Variants in KCNAB1 observed in about 807,000 individuals in gnomAD.
The protein encoded by KCNAB1 is voltage-gated potassium channel subunit beta-1.
KCNAB1 carries 35 observed loss-of-function variants against 64.6 expected under a neutral mutation model. The ratio of observed to expected loss-of-function variants is 0.54; its 90% confidence interval spans 0.41 to 0.72. KCNAB1 has a LOEUF of 0.72. Ranked by LOEUF, KCNAB1 falls within the 30% of genes least tolerant of loss-of-function variation. The pLI is 0.00. For synonymous variants in KCNAB1, 177 were observed against 183.8 expected (o/e 0.96, Z 0.30); for missense variants, 401 against 512.9 (o/e 0.78, Z 2.11).
intron 5 of KCNAB1, 77 bp downstream of exon 5, chr3:156,459,948 A>C: frequency 2.0e-6 from 2 of 989,998 alleles, no homozygotes; most frequent in East Asian, 4.9e-5. Context: ...AAATTATATG[A>C]CACCTGACCA....
intron 11 of KCNAB1, among the ~76,000 whole-genome samples, chr3:156,517,375 T>G (rs982703384): frequency 1.1e-4 from 16 of 152,246 alleles, no homozygotes; most frequent in African/African-American, 3.6e-4. Context: ...TAATACAACA[T>G]GAATACGTCC....
intron 1 of KCNAB1, among the ~76,000 whole-genome samples, chr3:156,157,750 G>A (rs1394077927): frequency 1.3e-5 from 2 of 151,956 alleles, no homozygotes; most frequent in African/African-American, 4.8e-5. Flanking sequence ...AACCAAAATG[G>A]ATACCATTAA....
intron 1 of KCNAB1, among the ~76,000 whole-genome samples, chr3:156,284,107 T>A (rs2108507842): frequency 6.6e-6 from 1 of 152,284 alleles, no homozygotes; most frequent in South Asian, 2.1e-4. Flanking sequence ...TTTATCTACT[T>A]TTGGTCTTTG....
intron 2 of KCNAB1, among the ~76,000 whole-genome samples, chr3:156,435,808 C>G (rs1716546516): frequency 6.6e-6 from 1 of 152,060 alleles, no homozygotes; most frequent in Admixed American, 6.5e-5. Flanking sequence ...CACCCAGGTT[C>G]TGTTGTGTGC....
intron 1 of KCNAB1, among the ~76,000 whole-genome samples, chr3:156,260,728 A>G (rs545948624): frequency 1.3e-5 from 2 of 152,316 alleles, no homozygotes; most frequent in Non-Finnish European, 1.5e-5. Context: ...ACATTCATGT[A>G]TATGTCTTTA....
At chr3:156,296,472 C>G (rs1229911406) in intron 1 of KCNAB1, among the ~76,000 whole-genome samples, 1 of 128,778 alleles carries the variant, frequency 7.8e-6, no homozygotes, top group Non-Finnish European at 1.6e-5. Flanking sequence ...CCCCCCCCCC[C>G]CACCTTTTTT....
intron 1 of KCNAB1, among the ~76,000 whole-genome samples, chr3:156,237,536 A>G (rs1004459436): frequency 2.0e-5 from 3 of 152,076 alleles, no homozygotes; most frequent in Admixed American, 2.0e-4. Flanking sequence ...TCGCTCAACT[A>G]TACGTATTGT....
At chr3:156,153,348 T>C (rs1355525292) in intron 1 of KCNAB1, among the ~76,000 whole-genome samples, 1 of 152,150 alleles carries the variant, frequency 6.6e-6, no homozygotes, top group Non-Finnish European at 1.5e-5. Context: ...GAGGTGACCA[T>C]ATCATGCTCA....
At chr3:156,149,080 A>T (rs1259575943) in intron 1 of KCNAB1, among the ~76,000 whole-genome samples, 1 of 152,176 alleles carries the variant, frequency 6.6e-6, no homozygotes, top group Non-Finnish European at 1.5e-5. Context: ...ATGAAATGAA[A>T]AGGACTGAAA....
intron 1 of KCNAB1, among the ~76,000 whole-genome samples, chr3:156,281,544 C>G (rs1719716645): frequency 6.6e-6 from 1 of 152,196 alleles, no homozygotes; most frequent in South Asian, 2.1e-4. Context: ...GGAATGGTAC[C>G]AATTCCTCCT....
chr3:156,405,203 A>T (rs75167549), intron 1 of KCNAB1, among the ~76,000 whole-genome samples: 4,977 of 152,274 alleles, frequency 0.033, 137 homozygotes, highest in African/African-American at 0.072. Flanking sequence ...AGAGCCTTTT[A>T]TCCATTTGTC....
intron 11 of KCNAB1, among the ~76,000 whole-genome samples, chr3:156,521,933 TA>T (rs1468656049): frequency 2.2e-5 from 3 of 137,970 alleles, no homozygotes; most frequent in African/African-American, 7.6e-5. Context: ...TGGGACTCAA[TA>T]AATAATTGCT....
At chr3:156,378,993 C>T (rs1270276781) in intron 1 of KCNAB1, among the ~76,000 whole-genome samples, 1 of 152,198 alleles carries the variant, frequency 6.6e-6, no homozygotes, top group Non-Finnish European at 1.5e-5. Flanking sequence ...ATCCCCAGAG[C>T]TGTGGGGGCT....
intron 1 of KCNAB1, among the ~76,000 whole-genome samples, chr3:156,169,640 T>C (rs1577666054): frequency 6.6e-6 from 1 of 151,928 alleles, no homozygotes; most frequent in Admixed American, 6.6e-5. Context: ...ATCATAGGAG[T>C]GGTTTCTAAT....
chr3:156,443,778 A>G (rs879790859), intron 2 of KCNAB1, among the ~76,000 whole-genome samples: 10 of 144,208 alleles, frequency 6.9e-5, no homozygotes, highest in Non-Finnish European at 1.3e-4. Context: ...ACACACACAC[A>G]CACTATTCTT....
chr3:156,172,849 AG>A (rs1304596036), intron 1 of KCNAB1, among the ~76,000 whole-genome samples: 3 of 152,210 alleles, frequency 2.0e-5, no homozygotes, highest in South Asian at 2.1e-4. Context: ...GAGAGAGCCC[AG>A]GGCATCTAAT....
At chr3:156,395,702 A>G (rs1316916502) in intron 1 of KCNAB1, among the ~76,000 whole-genome samples, 1 of 151,684 alleles carries the variant, frequency 6.6e-6, no homozygotes, top group African/African-American at 2.4e-5. Context: ...GGAACAATGG[A>G]TTCTGGATTT....
At chr3:156,439,240 T>C (rs2108257474) in intron 2 of KCNAB1, among the ~76,000 whole-genome samples, 1 of 150,768 alleles carries the variant, frequency 6.6e-6, no homozygotes, top group South Asian at 2.1e-4. Context: ...TTTTTTTTTT[T>C]TTTTTTTTGG....
intron 1 of KCNAB1, among the ~76,000 whole-genome samples, chr3:156,298,450 T>A (rs2107982360): frequency 6.6e-6 from 1 of 152,340 alleles, no homozygotes; most frequent in South Asian, 2.1e-4. Flanking sequence ...TTTAAAGAAA[T>A]TCTTTTTTAA....
Sources: gnomAD v4.1 joint callset for allele counts (sites outside exome capture counted in the v4.1 genomes callset) on GRCh38, gnomAD v4.1.1 for gene constraint, MANE v1.5 for transcripts, NCBI Gene and HGNC (gene_info 2026-07-23, HGNC 2026-07-21) for gene names.